Variants in DHDH observed in about 807,000 individuals in gnomAD.
DHDH encodes the protein trans-1,2-dihydrobenzene-1,2-diol dehydrogenase.
In DHDH, 29 loss-of-function variants were observed where a neutral mutation model predicts 33.2. That is an observed-to-expected ratio of 0.87 (90% CI 0.65 to 1.19). The LOEUF is 1.19. DHDH is among the 50% of genes most tolerant of loss of function. DHDH has a pLI of 0.00. For synonymous variants in DHDH, 201 were observed against 187.9 expected, an observed-to-expected ratio of 1.07 and a Z score of -0.57; for missense variants, 431 against 455.0, an observed-to-expected ratio of 0.95 and a Z score of 0.48.
intron 5 of DHDH, among the ~76,000 whole-genome samples, chr19:48,943,718 C>T (rs1478501341): frequency 6.6e-6 from 1 of 151,716 alleles, no homozygotes; most frequent in Non-Finnish European, 1.5e-5. Context: ...CCCAGCTACT[C>T]AGGAGGCTGA....
chr19:48,932,997 A>G (rs2037724797), upstream of DHDH, among the ~76,000 whole-genome samples: 2 of 152,112 alleles, frequency 1.3e-5, no homozygotes, highest in African/African-American at 4.8e-5. Context: ...GGGTTTTGAA[A>G]CCAGTCGGCC....
intron 2 of DHDH, among the ~76,000 whole-genome samples, chr19:48,935,783 C>G (rs904994550): frequency 6.6e-6 from 1 of 151,902 alleles, no homozygotes; most frequent in East Asian, 1.9e-4. Context: ...CGCCACTGCA[C>G]TCCAGCCTGG....
In DHDH at chr19:48,942,584, A is replaced by C; in HGVS notation, c.744+20A>C. 6.2e-7 allele frequency: 1 copy of C among 1,605,114 alleles called. No homozygotes were observed. Among genetic ancestry groups the C allele is most frequent in the Non-Finnish European group, 8.5e-7 (1 of 1,173,676 alleles). On this transcript the variant is annotated intron_variant, in intron 5 of 6. Transcript: ENST00000221403. Reference sequence around the variant, plus strand: ...GTACAGGTGAGGCATGGCGGGCCCAAGCGCTGGGGATCGTGCCCCTAAAAT... The same window carrying C: ...GTACAGGTGAGGCATGGCGGGCCCACGCGCTGGGGATCGTGCCCCTAAAAT...
At chr19:48,942,707 G>A (rs1012607576) in intron 5 of DHDH, 143 bp downstream of exon 5, 2 of 1,381,368 alleles carry the variant, frequency 1.4e-6, no homozygotes, top group African/African-American at 2.9e-5. Flanking sequence ...CCAAGAGGTG[G>A]GTTCTGGGCC....
chr19:48,934,926 C>T, intron 1 of DHDH, 74 bp from the exon 2 acceptor site: 1 of 1,243,472 alleles, frequency 8.0e-7, no homozygotes, highest in South Asian at 1.6e-5. Flanking sequence ...GCCAGAGCCT[C>T]CTCCTTTGCC....
In DHDH at chr19:48,939,591, C is replaced by CT. The variant is rs766325147; in HGVS notation, c.510dup (p.Gly171TrpfsTer35). The CT allele has an allele frequency of 3.5e-5, 56 of 1,607,052 alleles. No homozygotes were observed. The highest frequency in any genetic ancestry group is 3.0e-4 in the South Asian group (27 of 90,444). The stretch of plus-strand genomic sequence containing the variant: ...CCCCGGGCCGTAGACCGGGCCCAGG[C>CT]TGGGGGGGCCCTGCTGGACATCGGC... On this transcript the variant is annotated frameshift_variant, in exon 4 of 7. Coordinates refer to ENST00000221403, the MANE Select transcript of DHDH (RefSeq NM_014475.4). LOFTEE classifies it high-confidence loss of function.
chr19:48,936,551 C>T (rs57924669), intron 3 of DHDH, among the ~76,000 whole-genome samples: 52,366 of 150,994 alleles, frequency 0.35, 12,458 homozygotes, highest in African/African-American at 0.66. Context: ...AAAAAATTAG[C>T]TGGGCGTGGT....
chr19:48,933,876 G>T, intron 1 of DHDH, 65 bp downstream of exon 1: 1 of 1,503,492 alleles, frequency 6.7e-7, no homozygotes, highest in Non-Finnish European at 9.1e-7. Flanking sequence ...GTCTAAAGGA[G>T]GAGGGAGTTT....
chr19:48,939,367 G>C (rs2037823927), intron 3 of DHDH, 82 bp from the exon 4 acceptor site: 8 of 1,492,084 alleles, frequency 5.4e-6, no homozygotes, highest in Non-Finnish European at 5.4e-6. Context: ...TGGAGACTGG[G>C]TTGCAGTGGG....
In DHDH at chr19:48,944,508, G is replaced by T. The variant is rs143877556; in HGVS notation, c.895+1G>T. The T allele has an allele frequency of 6.3e-7, 1 of 1,599,636 alleles. No homozygotes were observed. Among genetic ancestry groups the T allele is most frequent in the South Asian group, 1.1e-5 (1 of 89,616 alleles). ...CACGTCTGGGAGTGCCTACGCAAGG[G>T]TAAGGATATGGATGCGGGGCAGGCG... is the stretch of plus-strand genomic sequence containing the variant. On this transcript the variant is annotated splice_donor_variant, in intron 6 of 6. Coordinates refer to ENST00000221403, the MANE Select transcript of DHDH (RefSeq NM_014475.4). LOFTEE classifies it high-confidence loss of function.
upstream of DHDH, among the ~76,000 whole-genome samples, chr19:48,932,802 C>T (rs2037722816): frequency 6.6e-6 from 1 of 151,976 alleles, no homozygotes; most frequent in Non-Finnish European, 1.5e-5. Context: ...GAGCGAGACC[C>T]TATATCAATA....
chr19:48,936,752 G>A (rs1393125855), intron 3 of DHDH, among the ~76,000 whole-genome samples: 3 of 151,566 alleles, frequency 2.0e-5, no homozygotes, highest in African/African-American at 4.8e-5. Context: ...AAGAGTGAAA[G>A]TGGCATAGAA....
intron 2 of DHDH, among the ~76,000 whole-genome samples, chr19:48,935,686 G>A (rs1038435817): frequency 7.1e-6 from 1 of 141,816 alleles, no homozygotes; most frequent in African/African-American, 2.6e-5. Context: ...GCATGGTGGC[G>A]GGCGCCTGTA....
intron 4 of DHDH, among the ~76,000 whole-genome samples, chr19:48,940,725 T>C (rs151272725): frequency 1.5e-4 from 23 of 152,136 alleles, no homozygotes; most frequent in African/African-American, 5.5e-4. Flanking sequence ...GGCGTGGTGG[T>C]GTGCACCTAT....
intron 2 of DHDH, among the ~76,000 whole-genome samples, chr19:48,935,774 G>A (rs10416867): frequency 6.6e-6 from 1 of 151,758 alleles, no homozygotes; most frequent in Admixed American, 6.6e-5. Context: ...CCGAGATCGC[G>A]CCACTGCACT....
At chr19:48,941,985 C>CGTGTGT (rs60467743) in intron 4 of DHDH, among the ~76,000 whole-genome samples, 1,743 of 132,212 alleles carry the variant, frequency 0.013, 36 homozygotes, top group African/African-American at 0.044. Flanking sequence ...GACTGTACTT[C>CGTGTGT]GTGTGTGTGT....
intron 6 of DHDH, 85 bp from the exon 7 acceptor site, chr19:48,944,739 G>A: frequency 1.5e-6 from 2 of 1,325,284 alleles, no homozygotes; most frequent in South Asian, 1.2e-5. Context: ...CATGTATATT[G>A]TGCCACATGG....
upstream of DHDH, among the ~76,000 whole-genome samples, chr19:48,933,144 C>T (rs188584195): frequency 6.6e-6 from 1 of 152,134 alleles, no homozygotes; most frequent in African/African-American, 2.4e-5. Flanking sequence ...TCTGTTTCCC[C>T]CTTTGTGAAC....
intron 3 of DHDH, among the ~76,000 whole-genome samples, chr19:48,936,946 G>A (rs1391266683): frequency 6.6e-6 from 1 of 151,590 alleles, no homozygotes; most frequent in Non-Finnish European, 1.5e-5. Flanking sequence ...ACCATGCCCA[G>A]CTAATTTTTG....
Sources: allele counts gnomAD v4.1 joint callset (sites outside exome capture counted in the v4.1 genomes callset), GRCh38; gene constraint gnomAD v4.1.1; transcripts MANE v1.5; gene names NCBI Gene and HGNC (gene_info 2026-07-23, HGNC 2026-07-21).